INSC: variants seen among roughly 807,000 people sequenced by gnomAD.
INSC encodes the protein INSC spindle orientation adaptor protein.
INSC carries 67 observed loss-of-function variants against 58.6 expected under a neutral mutation model. That is an observed-to-expected ratio of 1.14 (90% CI 0.94 to 1.40). The LOEUF (loss-of-function observed/expected upper bound fraction) is 1.40. Ranked by LOEUF, INSC falls within the 40% of genes most tolerant of loss-of-function variation. The probability of loss-of-function intolerance (pLI) is 0.00; values close to 1 mark genes in which losing one functional copy is unlikely to be tolerated. For missense variants in INSC, 714 were observed against 692.0 expected, an observed-to-expected ratio of 1.03 and a Z score of -0.36; for synonymous variants, 262 against 276.1, an observed-to-expected ratio of 0.95 and a Z score of 0.51.
intron 12 of INSC, among the ~76,000 whole-genome samples, chr11:15,243,509 A>G (rs1852438488): frequency 6.6e-6 from 1 of 152,158 alleles, no homozygotes; most frequent in African/African-American, 2.4e-5. Flanking sequence ...CTCCCAGAGA[A>G]GCAGAGGCTG....
chr11:15,194,402 C>G (rs1850295588), intron 6 of INSC, among the ~76,000 whole-genome samples: 1 of 152,278 alleles, frequency 6.6e-6, no homozygotes, highest in Non-Finnish European at 1.5e-5. Context: ...TACTTGTGCC[C>G]TACCCAAGAT....
the INSC span, among the ~76,000 whole-genome samples, chr11:15,264,845 AGGGTGTGGACAACTTTG>A: frequency 6.6e-6 from 1 of 152,098 alleles, no homozygotes; most frequent in Non-Finnish European, 1.5e-5. Context: ...TCCAGGCATG[AGGGTGTGGACAACTTTG>A]GGGTGGCAGC....
the INSC span, among the ~76,000 whole-genome samples, chr11:15,255,022 G>A: frequency 6.6e-6 from 1 of 152,168 alleles, no homozygotes; most frequent in Non-Finnish European, 1.5e-5. Context: ...CTGCTAAGTA[G>A]TTATTATTGA....
chr11:15,172,444 G>A (rs559544355), intron 2 of INSC, among the ~76,000 whole-genome samples: 86 of 152,320 alleles, frequency 5.6e-4, no homozygotes, highest in South Asian at 1.7e-3. Context: ...ATATATGTCA[G>A]ACACTGGCAA....
chr11:15,235,504 A>G, intron 9 of INSC, 98 bp from the exon 10 acceptor site: 1 of 906,128 alleles, frequency 1.1e-6, no homozygotes, highest in Non-Finnish European at 1.9e-6. Context: ...GTCACGGGAT[A>G]AAAGGAAGCT....
intron 2 of INSC, among the ~76,000 whole-genome samples, chr11:15,168,179 G>A (rs1029896415): frequency 1.3e-5 from 2 of 152,092 alleles, no homozygotes; most frequent in African/African-American, 2.4e-5. Flanking sequence ...ATAGGTAAAC[G>A]TGTGCCATGG....
chr11:15,122,747 G>A (rs917351949), intron 1 of INSC, among the ~76,000 whole-genome samples: 1 of 151,908 alleles, frequency 6.6e-6, no homozygotes, highest in Non-Finnish European at 1.5e-5. Flanking sequence ...CTAGTTCATG[G>A]TACCATCTTC....
chr11:15,124,652 G>A (rs547756353), intron 1 of INSC, among the ~76,000 whole-genome samples: 45 of 152,294 alleles, frequency 3.0e-4, no homozygotes, highest in African/African-American at 1.0e-3. Flanking sequence ...AAACCAGGCA[G>A]TAGACTAATC....
chr11:15,113,910 G>A (rs1249995953), upstream of INSC, among the ~76,000 whole-genome samples: 1 of 152,116 alleles, frequency 6.6e-6, no homozygotes, highest in Non-Finnish European at 1.5e-5. Flanking sequence ...ACTGAGTTGA[G>A]CTCCTTCTCC....
chr11:15,193,540 G>A (rs926606236), intron 6 of INSC, among the ~76,000 whole-genome samples: 7 of 152,134 alleles, frequency 4.6e-5, no homozygotes, highest in Admixed American at 2.0e-4. Flanking sequence ...GAGAACATGC[G>A]GTGTTGGTTT....
At chr11:15,134,724 C>T (rs992420568) in intron 1 of INSC, among the ~76,000 whole-genome samples, 1 of 152,164 alleles carries the variant, frequency 6.6e-6, no homozygotes, top group African/African-American at 2.4e-5. Context: ...TATGACCCCC[C>T]AATATTAGTG....
intron 1 of INSC, among the ~76,000 whole-genome samples, chr11:15,147,229 A>G (rs1391760012): frequency 6.6e-6 from 1 of 152,104 alleles, no homozygotes; most frequent in Non-Finnish European, 1.5e-5. Context: ...CTTTTGCGCC[A>G]TCCCTTTCAG....
chr11:15,157,360 A>G (rs1283023133), intron 2 of INSC, among the ~76,000 whole-genome samples: 1 of 152,220 alleles, frequency 6.6e-6, no homozygotes, highest in Non-Finnish European at 1.5e-5. Flanking sequence ...TTGCCAGTCC[A>G]TCTGCCTTTA....
chr11:15,129,937 T>A (rs1848087521), intron 1 of INSC, among the ~76,000 whole-genome samples: 1 of 152,148 alleles, frequency 6.6e-6, no homozygotes, highest in Non-Finnish European at 1.5e-5. Context: ...TGTGTTGGGG[T>A]GGCTGGATGA....
At position 15,198,076 on chromosome 11, in the gene INSC, C is replaced by G. The variant is rs372788249; in HGVS notation, c.694-2748C>G. Among the ~76,000 whole-genome samples the G allele has an allele frequency of 5.9e-5, 9 of 152,238 alleles. No homozygotes were observed. The South Asian group carries it at 6.2e-4, about 11-fold the overall frequency. Reference sequence around the variant, plus strand: ...ATTTTATTTCCTCTGTGGCTTTCTTCCTTCTCTCTCCTCTCACATATCCTA... The same window carrying G: ...ATTTTATTTCCTCTGTGGCTTTCTTGCTTCTCTCTCCTCTCACATATCCTA... On this transcript the variant is annotated intron_variant, in intron 6 of 12. Transcript: ENST00000379556.
intron 2 of INSC, among the ~76,000 whole-genome samples, chr11:15,152,350 T>C (rs1304385664): frequency 6.6e-6 from 1 of 152,188 alleles, no homozygotes; most frequent in Non-Finnish European, 1.5e-5. Context: ...CACCTTGATC[T>C]GTCATTGGAG....
At chr11:15,111,849 TC>T (rs1847581696), upstream of INSC, among the ~76,000 whole-genome samples, 1 of 152,354 alleles carries the variant, frequency 6.6e-6, no homozygotes, top group East Asian at 1.9e-4. Context: ...ATTATCAATG[TC>T]TTGGGTAAGT....
intron 1 of INSC, among the ~76,000 whole-genome samples, chr11:15,130,415 T>C (rs757171872): frequency 6.6e-6 from 1 of 152,242 alleles, no homozygotes; most frequent in Non-Finnish European, 1.5e-5. Context: ...AAAATAACCA[T>C]GTATTTTTAG....
intron 7 of INSC, among the ~76,000 whole-genome samples, 180 bp from the exon 8 acceptor site, chr11:15,221,297 A>G (rs1198783987): frequency 6.6e-6 from 1 of 151,996 alleles, no homozygotes; most frequent in African/African-American, 2.4e-5. Flanking sequence ...CCAGAATTTG[A>G]GTCATTATGA....
Sources: allele counts gnomAD v4.1 joint callset (sites outside exome capture counted in the v4.1 genomes callset), GRCh38; gene constraint gnomAD v4.1.1; transcripts MANE v1.5; gene names NCBI Gene and HGNC (gene_info 2026-07-23, HGNC 2026-07-21).